Variants in DIS3L2 observed in about 807,000 individuals in gnomAD.
DIS3L2 encodes DIS3 like 3'-5' exoribonuclease 2.
Under a neutral mutation model 97.5 loss-of-function variants are expected in DIS3L2, and 34 were observed. The observed-to-expected ratio is 0.35, with a 90% CI of 0.27 to 0.46. The LOEUF (loss-of-function observed/expected upper bound fraction) is 0.46, where lower values mean the gene tolerates loss of function less well. DIS3L2 is among the 20% of genes least tolerant of loss of function. DIS3L2 has a pLI of 1.00. For missense variants in DIS3L2, 1,038 were observed against 1,146.0 expected (o/e 0.91, Z 1.36); for synonymous variants, 435 against 445.2 (o/e 0.98, Z 0.29).
At chr2:231,967,655 A>G (rs562865050) in intron 1 of DIS3L2, among the ~76,000 whole-genome samples, 1 of 152,294 alleles carries the variant, frequency 6.6e-6, no homozygotes, top group East Asian at 1.9e-4. Flanking sequence ...TTTGTAAATG[A>G]AAAAAAGAAT....
chr2:232,043,260 T>C (rs1478391677), intron 5 of DIS3L2, among the ~76,000 whole-genome samples: 1 of 152,118 alleles, frequency 6.6e-6, no homozygotes, highest in Non-Finnish European at 1.5e-5. Context: ...CCTTTCTCTG[T>C]GGCAGAAGGA....
chr2:232,047,577 A>G (rs1393259599), intron 5 of DIS3L2, among the ~76,000 whole-genome samples: 4 of 152,232 alleles, frequency 2.6e-5, no homozygotes, highest in Admixed American at 2.6e-4. Flanking sequence ...TTCACATAAC[A>G]TAGAATTCAC....
At chr2:232,329,790 C>A in intron 14 of DIS3L2, 23 bp from the exon 15 acceptor site, 24 of 315,322 alleles carry the variant, frequency 7.6e-5, no homozygotes, top group Non-Finnish European at 1.1e-4. Flanking sequence ...AGCGGTCCCT[C>A]CCATCCCACC....
chr2:232,050,461 A>G (rs927973695), intron 5 of DIS3L2, among the ~76,000 whole-genome samples: 2 of 142,334 alleles, frequency 1.4e-5, no homozygotes, highest in African/African-American at 5.2e-5. Context: ...TTTTTTTTTT[A>G]GTAGACAGGG....
intron 10 of DIS3L2, among the ~76,000 whole-genome samples, chr2:232,217,362 A>G (rs1041019516): frequency 4.6e-5 from 7 of 152,238 alleles, no homozygotes; most frequent in Non-Finnish European, 8.8e-5. Context: ...GAAGACTGCT[A>G]TGACCAAATA....
chr2:231,985,090 C>T (rs1490270839), intron 1 of DIS3L2, among the ~76,000 whole-genome samples: 2 of 152,180 alleles, frequency 1.3e-5, no homozygotes, highest in African/African-American at 4.8e-5. Flanking sequence ...TTCACTTGTA[C>T]TCCGTATTCA....
intron 14 of DIS3L2, among the ~76,000 whole-genome samples, chr2:232,306,780 A>G (rs1055126873): frequency 6.6e-6 from 1 of 152,226 alleles, no homozygotes; most frequent in Non-Finnish European, 1.5e-5. Flanking sequence ...GGCACTCCTC[A>G]GCAGCAAGGC....
chr2:232,082,030 TC>T (rs1696418515), intron 5 of DIS3L2, among the ~76,000 whole-genome samples: 3 of 152,300 alleles, frequency 2.0e-5, no homozygotes, highest in African/African-American at 4.8e-5. Context: ...CCTCAGATGA[TC>T]CGCCCACCTT....
chr2:232,203,752 G>T (rs13403266), intron 9 of DIS3L2, among the ~76,000 whole-genome samples: 1 of 152,120 alleles, frequency 6.6e-6, no homozygotes, highest in African/African-American at 2.4e-5. Context: ...GCATGGGTAG[G>T]GCGCATGGGG....
chr2:232,293,574 CG>C lies in DIS3L2; in HGVS notation c.1660-6462del, dbSNP rs1694653953. The stretch of plus-strand genomic sequence containing the variant: ...AACCCCTCAGGGAAGTGGACCGCGT[CG>C]GGGAGTGCATGGAGCTCTGCAGGAG... On this transcript the variant is annotated intron_variant, in intron 13 of 20. Coordinates refer to ENST00000325385, the MANE Select transcript of DIS3L2 (RefSeq NM_152383.5). This position sits in a 1 kb window ranked among gnomAD's most constrained non-coding sequence, Gnocchi z 4.6. Among the ~76,000 whole-genome samples the C allele has an allele frequency of 6.6e-6, 1 of 152,154 alleles. No individual in the cohort carries two copies. Among genetic ancestry groups the C allele is most frequent in the Non-Finnish European group, 1.5e-5 (1 of 68,032 alleles).
At chr2:231,971,501 G>A (rs1436585992) in intron 1 of DIS3L2, among the ~76,000 whole-genome samples, 1 of 151,970 alleles carries the variant, frequency 6.6e-6, no homozygotes, top group East Asian at 1.9e-4. Context: ...AGGCTGGAGT[G>A]CAGTGGCGCC....
At chr2:232,198,203 T>C (rs1219125567) in intron 9 of DIS3L2, among the ~76,000 whole-genome samples, 1 of 152,142 alleles carries the variant, frequency 6.6e-6, no homozygotes, top group East Asian at 1.9e-4. Context: ...ACCATTGTTA[T>C]AATTCTATCC....
intron 5 of DIS3L2, among the ~76,000 whole-genome samples, chr2:232,043,465 C>T (rs770023419): frequency 1.3e-5 from 2 of 152,202 alleles, no homozygotes; most frequent in Admixed American, 6.5e-5. Flanking sequence ...TAATGACTCT[C>T]ACGCTGGACT....
At chr2:232,207,980 A>C (rs1005925638) in intron 9 of DIS3L2, among the ~76,000 whole-genome samples, 1 of 152,156 alleles carries the variant, frequency 6.6e-6, no homozygotes, top group South Asian at 2.1e-4. Flanking sequence ...CATTAAAGGG[A>C]AAAAAATTAA....
chr2:232,247,274 C>T (rs1405263480), intron 11 of DIS3L2, among the ~76,000 whole-genome samples: 6 of 152,196 alleles, frequency 3.9e-5, no homozygotes, highest in African/African-American at 1.4e-4. Flanking sequence ...TTGATGTAGT[C>T]TGTCTTAGCT....
At chr2:232,080,356 T>C (rs1252155807) in intron 5 of DIS3L2, among the ~76,000 whole-genome samples, 1 of 152,120 alleles carries the variant, frequency 6.6e-6, no homozygotes, top group Non-Finnish European at 1.5e-5. Flanking sequence ...ATGGGAAAGA[T>C]TGAGCTAGGC....
At chr2:232,258,444 C>A (rs1271156913) in intron 12 of DIS3L2, among the ~76,000 whole-genome samples, 1 of 151,938 alleles carries the variant, frequency 6.6e-6, no homozygotes, top group African/African-American at 2.4e-5. Flanking sequence ...ATGAGCCGGG[C>A]ATGGTGGCAT....
intron 14 of DIS3L2, among the ~76,000 whole-genome samples, chr2:232,310,771 G>A (rs535816619): frequency 6.6e-6 from 1 of 152,338 alleles, no homozygotes; most frequent in African/African-American, 2.4e-5. Flanking sequence ...TGGGGCCCTA[G>A]AACAACTACA....
At chr2:231,993,941 T>G (rs1693655791) in intron 1 of DIS3L2, among the ~76,000 whole-genome samples, 1 of 152,148 alleles carries the variant, frequency 6.6e-6, no homozygotes, top group Admixed American at 6.5e-5. Flanking sequence ...TCCTAAGAAC[T>G]CTTCACCTAA....
Sources: allele counts gnomAD v4.1 joint callset (sites outside exome capture counted in the v4.1 genomes callset), GRCh38; gene constraint gnomAD v4.1.1; non-coding constraint Gnocchi (gnomAD v3.1); transcripts MANE v1.5; gene names NCBI Gene and HGNC (gene_info 2026-07-23, HGNC 2026-07-21).